COLEC10: variants seen among roughly 807,000 people sequenced by gnomAD.
The protein encoded by COLEC10 is collectin-10.
In COLEC10, 22 loss-of-function variants were observed where a neutral mutation model predicts 28.4. The ratio of observed to expected loss-of-function variants is 0.78; its 90% CI spans 0.55 to 1.11. COLEC10 has a LOEUF of 1.11. COLEC10 is among the 50% of genes least tolerant of loss of function. The pLI is 0.00. For missense variants in COLEC10, 361 were observed against 344.1 expected (o/e 1.05, Z -0.39); for synonymous variants, 125 against 116.1 (o/e 1.08, Z -0.49).
intron 2 of COLEC10, among the ~76,000 whole-genome samples, chr8:119,016,728 G>GT (rs1358497122): frequency 9.9e-5 from 15 of 151,986 alleles, no homozygotes; most frequent in African/African-American, 3.1e-4. Flanking sequence ...TGTTTTGTTT[G>GT]TTTGTTTGAG....
At chr8:119,059,465 C>T (rs545177259) in intron 2 of COLEC10, among the ~76,000 whole-genome samples, 48 of 151,938 alleles carry the variant, frequency 3.2e-4, no homozygotes, top group African/African-American at 1.1e-3. Flanking sequence ...AAAAGACCCC[C>T]GAACATTTAG....
chr8:119,039,210 C>T (rs1048102096), intron 2 of COLEC10, among the ~76,000 whole-genome samples: 2 of 152,082 alleles, frequency 1.3e-5, no homozygotes, highest in African/African-American at 4.8e-5. Flanking sequence ...TTTAGTCCCT[C>T]ATGCTTCAAT....
At chr8:119,061,402 A>T (rs1231020719) in intron 2 of COLEC10, among the ~76,000 whole-genome samples, 17 of 151,276 alleles carry the variant, frequency 1.1e-4, no homozygotes, top group African/African-American at 3.6e-4. Context: ...AAAGGTCCAC[A>T]TTAAGGCCAT....
chr8:119,068,978 A>C (rs1451574622), intron 1 of COLEC10, among the ~76,000 whole-genome samples: 2 of 151,800 alleles, frequency 1.3e-5, no homozygotes, highest in African/African-American at 4.8e-5. Context: ...TTCTTAATAA[A>C]ATTTAATAAA....
chr8:119,061,706 G>C (rs1814859088), intron 2 of COLEC10, among the ~76,000 whole-genome samples: 1 of 151,682 alleles, frequency 6.6e-6, no homozygotes, highest in South Asian at 2.1e-4. Flanking sequence ...CTCTCTTTCA[G>C]GAAACTACTA....
At chr8:118,988,644 G>A in the COLEC10 span, among the ~76,000 whole-genome samples, 1 of 152,144 alleles carries the variant, frequency 6.6e-6, no homozygotes, top group Non-Finnish European at 1.5e-5. Flanking sequence ...AAGATTATAG[G>A]AGGTTCCTTC....
intron 2 of COLEC10, among the ~76,000 whole-genome samples, chr8:119,012,193 G>C (rs1813910535): frequency 6.6e-6 from 1 of 150,698 alleles, no homozygotes; most frequent in East Asian, 1.9e-4. Context: ...GCTGGATTTT[G>C]TCAGATACAT....
chr8:119,082,883 G>A (rs779328682), intron 1 of COLEC10, among the ~76,000 whole-genome samples: 4 of 152,104 alleles, frequency 2.6e-5, no homozygotes, highest in Non-Finnish European at 5.9e-5. Flanking sequence ...TTGAAGTGTG[G>A]GCAGGTAGGG....
the COLEC10 span, among the ~76,000 whole-genome samples, chr8:118,977,820 T>C: frequency 6.6e-6 from 1 of 151,992 alleles, no homozygotes; most frequent in South Asian, 2.1e-4. Context: ...TTTCCTAACA[T>C]AGCCCTTAGG....
intron 2 of COLEC10, among the ~76,000 whole-genome samples, chr8:119,036,731 G>C (rs1814395134): frequency 6.6e-6 from 1 of 152,190 alleles, no homozygotes; most frequent in African/African-American, 2.4e-5. Context: ...ATTTAAGGAA[G>C]AGTCATTTAC....
chr8:118,989,758 C>A, the COLEC10 span, among the ~76,000 whole-genome samples: 1 of 149,432 alleles, frequency 6.7e-6, no homozygotes, highest in Non-Finnish European at 1.5e-5. Context: ...GCTGTATACA[C>A]AGATTAGCTC....
upstream of COLEC10, chr8:119,062,887 C>G (rs1345219406): frequency 1.3e-5 from 2 of 152,158 alleles, no homozygotes; most frequent in African/African-American, 4.8e-5. Flanking sequence ...AGTCATTCTA[C>G]TAATTTTCAT....
At chr8:119,039,199 C>T (rs1291564494) in intron 2 of COLEC10, among the ~76,000 whole-genome samples, 1 of 152,052 alleles carries the variant, frequency 6.6e-6, no homozygotes, top group East Asian at 1.9e-4. Flanking sequence ...CTTTCTTCCG[C>T]TTTAGTCCCT....
At chr8:118,960,632 A>G in the COLEC10 span, among the ~76,000 whole-genome samples, 2 of 151,988 alleles carry the variant, frequency 1.3e-5, no homozygotes, top group South Asian at 4.2e-4. Context: ...AAAATACAAA[A>G]AAATTAGCCT....
upstream of COLEC10, among the ~76,000 whole-genome samples, chr8:118,994,588 C>A (rs1359682691): frequency 6.6e-6 from 1 of 152,118 alleles, no homozygotes; most frequent in Non-Finnish European, 1.5e-5. Context: ...GAGGTTATAT[C>A]CCTTGTCCAA....
At chr8:119,043,119 G>A (rs1346583517) in intron 2 of COLEC10, among the ~76,000 whole-genome samples, 1 of 152,120 alleles carries the variant, frequency 6.6e-6, no homozygotes, top group Admixed American at 6.5e-5. Flanking sequence ...AGCAGATAAG[G>A]CATATCATTT....
At position 119,009,851 on chromosome 8, in the gene COLEC10, A is replaced by ATT. The variant is rs1563715704; in HGVS notation, n.235+298_235+299insTT. ...TTGAAAGCTCAGCTCTTTTTTTTAA[A>ATT]AAAAAATAGACTTTATGTTTTAGAT... On this transcript the variant is annotated intron_variant and non_coding_transcript_variant, in intron 2 of 6. Coordinates refer to the COLEC10 transcript ENST00000521788. Among the ~76,000 whole-genome samples, 96 of 123,038 alleles carry ATT rather than the reference A, an allele frequency of 7.8e-4. 1 individual carries two copies. Among genetic ancestry groups the ATT allele is most frequent in the African/African-American group, 2.0e-3 (59 of 29,326 alleles). 80.7% of individuals were successfully genotyped at this position (123,038 alleles called of 152,430 possible). A position where few individuals can be genotyped will look rare whatever the true frequency, so the allele number is the denominator to read the frequency against.
intron 4 of COLEC10, among the ~76,000 whole-genome samples, 192 bp from the exon 5 acceptor site, chr8:119,103,608 A>G (rs1340665674): frequency 2.0e-5 from 3 of 152,216 alleles, no homozygotes; most frequent in East Asian, 3.8e-4. Flanking sequence ...CATTTACAAG[A>G]TATTTTCTGA....
chr8:118,992,654 C>T (rs1460354898), upstream of COLEC10, among the ~76,000 whole-genome samples: 2 of 152,086 alleles, frequency 1.3e-5, no homozygotes, highest in African/African-American at 2.4e-5. Flanking sequence ...GAAGAAAACA[C>T]CGTAGATATT....
Sources: allele counts gnomAD v4.1 joint callset (sites outside exome capture counted in the v4.1 genomes callset), GRCh38; gene constraint gnomAD v4.1.1; transcripts MANE v1.5; gene names NCBI Gene and HGNC (gene_info 2026-07-23, HGNC 2026-07-21).